The following LYRM1 variants were observed in gnomAD, a reference collection of about 807,000 sequenced individuals.
LYRM1 encodes the protein LYR motif-containing protein 1.
A neutral mutation model predicts 14.9 loss-of-function variants in LYRM1; 14 were observed. The observed-to-expected ratio is 0.94, with a 90% CI of 0.62 to 1.47. The LOEUF is 1.47. Ranked by LOEUF, LYRM1 falls within the 40% of genes most tolerant of loss-of-function variation. LYRM1 has a pLI of 0.00. For synonymous variants in LYRM1, 43 were observed against 56.2 expected (o/e 0.77, Z 1.05); for missense variants, 153 against 149.9 (o/e 1.02, Z -0.11).
chr16:20,903,598 G>T (rs1389686893), intron 1 of LYRM1, among the ~76,000 whole-genome samples: 1 of 152,196 alleles, frequency 6.6e-6, no homozygotes, highest in Non-Finnish European at 1.5e-5. Flanking sequence ...CATTGGACTG[G>T]AGGAACTCGA....
At chr16:20,914,531 A>G (rs1362659228) in intron 1 of LYRM1, among the ~76,000 whole-genome samples, 1 of 149,918 alleles carries the variant, frequency 6.7e-6, no homozygotes, top group African/African-American at 2.5e-5. Flanking sequence ...TGAACTCCCG[A>G]GGTCAAGCAA....
At chr16:20,911,745 A>AG (rs1012080426) in intron 1 of LYRM1, among the ~76,000 whole-genome samples, 5 of 151,508 alleles carry the variant, frequency 3.3e-5, no homozygotes, top group African/African-American at 7.3e-5. Context: ...AAAAAAGGAG[A>AG]GGGGGGGCTG....
In LYRM1 at chr16:20,915,720, T is replaced by C. The variant is rs757292776; in HGVS notation, c.159+6T>C. ...TGTTCCGGAAAAACAAAAATGTAAG[T>C]AGGCCCCACTTGGAGATTGTGCAGA... is the stretch of plus-strand genomic sequence containing the variant. On this transcript the variant is annotated splice_donor_region_variant and intron_variant, in intron 2 of 3. Transcript: ENST00000567954. The C allele has an allele frequency of 1.9e-6, 3 of 1,613,200 alleles. No individual in the cohort carries two copies. Among genetic ancestry groups the C allele is most frequent in the South Asian group, 2.2e-5 (2 of 91,068 alleles).
rs1428365914 is a variant in LYRM1 at position 20,901,367 on chromosome 16, TA to T, written c.-1+480del. On this transcript the variant is annotated intron_variant, in intron 1 of 3. Transcript: ENST00000567954. The surrounding 1 kb of genome is among the most constrained non-coding windows in gnomAD (Gnocchi z 4.6). ...CTTCCATTCGTGTGCAGGAGAGAGT[TA>T]AGTAAATCAATAAAGAAGGTATCAG... Among the ~76,000 whole-genome samples the T allele has an allele frequency of 1.3e-5, 2 of 152,090 alleles. No individual in the cohort carries two copies. Among genetic ancestry groups the T allele is most frequent in the Non-Finnish European group, 2.9e-5 (2 of 68,026 alleles).
chr16:20,912,051 C>G (rs531442274), intron 1 of LYRM1, among the ~76,000 whole-genome samples: 48 of 152,222 alleles, frequency 3.2e-4, no homozygotes, highest in African/African-American at 1.1e-3. Flanking sequence ...CCTCCCACCT[C>G]AGCCTCCCAA....
In LYRM1 at chr16:20,900,900, G is replaced by A. The variant is rs904838107; in HGVS notation, c.-1+11G>A. 9.2e-5 allele frequency: 14 copies of A among 152,322 alleles called. No homozygotes were observed. The highest frequency in any genetic ancestry group is 8.5e-4 in the Admixed American group (13 of 15,278). 9.4% of individuals were successfully genotyped at this position (152,322 alleles called of 1,614,324 possible). A position where few individuals can be genotyped will look rare whatever the true frequency, so the allele number is the denominator to read the frequency against. On this transcript the variant is annotated intron_variant, in intron 1 of 3. Coordinates refer to ENST00000567954, the MANE Select transcript of LYRM1 (RefSeq NM_001128302.3). ...CAGGACTGACGCAGAGTGAGTGTAGGGGATGGAGGCGCCGACTCCAGGCGC... is the reference window on the plus strand; with the variant it reads ...CAGGACTGACGCAGAGTGAGTGTAGAGGATGGAGGCGCCGACTCCAGGCGC...
intron 1 of LYRM1, among the ~76,000 whole-genome samples, chr16:20,907,626 T>C (rs1192567638): frequency 6.6e-6 from 1 of 152,154 alleles, no homozygotes; most frequent in Non-Finnish European, 1.5e-5. Flanking sequence ...CCTCCCAAAG[T>C]GCTGGGATTA....
chr16:20,920,912 A>T (rs941368909), intron 3 of LYRM1, among the ~76,000 whole-genome samples: 1 of 137,094 alleles, frequency 7.3e-6, no homozygotes, highest in Non-Finnish European at 1.6e-5. Context: ...ACTTAAATTT[A>T]TATATATAAA....
intron 2 of LYRM1, among the ~76,000 whole-genome samples, chr16:20,919,380 T>A (rs2083070348): frequency 6.6e-6 from 1 of 152,126 alleles, no homozygotes; most frequent in East Asian, 1.9e-4. Context: ...GAGAATATAA[T>A]TTATAGATTG....
At chr16:20,902,449 GGAA>G (rs2082113445) in intron 1 of LYRM1, 1 of 152,142 alleles carries the variant, frequency 6.6e-6, no homozygotes, top group Admixed American at 6.5e-5. Flanking sequence ...AAATAAAAGA[GGAA>G]GACCCCTAAA....
At chr16:20,911,959 G>T (rs1305757770) in intron 1 of LYRM1, among the ~76,000 whole-genome samples, 2 of 151,910 alleles carry the variant, frequency 1.3e-5, no homozygotes, top group East Asian at 3.9e-4. Context: ...GTCTCACTCT[G>T]TCACCCAGGC....
chr16:20,903,612 T>C (rs1196476025), intron 1 of LYRM1, among the ~76,000 whole-genome samples: 3 of 152,114 alleles, frequency 2.0e-5, no homozygotes, highest in African/African-American at 7.2e-5. Flanking sequence ...AACTCGAGGG[T>C]ACTATGTAGG....
chr16:20,921,027 T>C (rs1268379542), intron 3 of LYRM1, among the ~76,000 whole-genome samples: 1 of 151,956 alleles, frequency 6.6e-6, no homozygotes, highest in Non-Finnish European at 1.5e-5. Context: ...TATAAATTTA[T>C]GTTTTCTTAA....
In LYRM1 at chr16:20,901,529, G is replaced by T. The variant is rs896128424; in HGVS notation, c.-1+640G>T. On this transcript the variant is annotated intron_variant, in intron 1 of 3. Transcript: ENST00000567954. The surrounding 1 kb of genome is among the most constrained non-coding windows in gnomAD (Gnocchi z 4.6). ...AGACAATGGGTTTTCTGGGTGGAGA[G>T]AAGAGCCAATGAGAAGGACTTTTAG... Among the ~76,000 whole-genome samples the T allele has an allele frequency of 6.6e-6, 1 of 152,206 alleles. No individual in the cohort carries two copies. Among genetic ancestry groups the T allele is most frequent in the Non-Finnish European group, 1.5e-5 (1 of 68,038 alleles).
At chr16:20,906,127 G>GGT (rs1304315805) in intron 1 of LYRM1, among the ~76,000 whole-genome samples, 11 of 152,114 alleles carry the variant, frequency 7.2e-5, no homozygotes, top group African/African-American at 2.7e-4. Context: ...GAAAAAGAAA[G>GGT]GTAAGTCATG....
At chr16:20,905,481 C>T (rs1463832034) in intron 1 of LYRM1, among the ~76,000 whole-genome samples, 1 of 152,176 alleles carries the variant, frequency 6.6e-6, no homozygotes, top group Non-Finnish European at 1.5e-5. Flanking sequence ...AGGGCAAGAA[C>T]ATCTGGTTGC....
At chr16:20,906,955 GGTTTTT>G (rs879769240) in intron 1 of LYRM1, among the ~76,000 whole-genome samples, 8 of 152,022 alleles carry the variant, frequency 5.3e-5, no homozygotes, top group Non-Finnish European at 8.8e-5. Flanking sequence ...TTTGGTGTTT[GGTTTTT>G]GTTTTTGTTT....
Position 20,924,648 on chromosome 16 carries a change from G to C in LYRM1, c.*532G>C, listed in dbSNP as rs2083367108. ...AAAGTGCATCATTGGATTGACCATG[G>C]TTTTTCATGAAATTTTATGAGATTT... On this transcript the variant is annotated 3_prime_UTR_variant, in exon 4 of 4. Transcript: ENST00000567954. The C allele has an allele frequency of 1.3e-5, 2 of 152,136 alleles. No individual in the cohort carries two copies. Among genetic ancestry groups the C allele is most frequent in the South Asian group, 4.1e-4 (2 of 4,828 alleles). The allele number at this position is 152,136 out of a possible 1,614,324, so 9.4% of individuals were successfully genotyped here.
At chr16:20,914,277 C>CTTTTTTTTT (rs3054656) in intron 1 of LYRM1, among the ~76,000 whole-genome samples, 5 of 109,302 alleles carry the variant, frequency 4.6e-5, no homozygotes, top group Non-Finnish European at 9.0e-5. Flanking sequence ...ACAGTCGTCA[C>CTTTTTTTTT]TTTTTTTTTT....
Sources: allele counts gnomAD v4.1 joint callset (sites outside exome capture counted in the v4.1 genomes callset), GRCh38; gene constraint gnomAD v4.1.1; non-coding constraint Gnocchi (gnomAD v3.1); transcripts MANE v1.5; gene names NCBI Gene and HGNC (gene_info 2026-07-23, HGNC 2026-07-21).